SLC1A6: variants seen among roughly 807,000 people sequenced by gnomAD.
SLC1A6 encodes solute carrier family 1 member 6.
Under a neutral mutation model 42.1 loss-of-function variants are expected in SLC1A6, and 15 were observed. The ratio of observed to expected loss-of-function variants is 0.36; its 90% CI spans 0.24 to 0.55. SLC1A6 has a LOEUF of 0.55. Among genes scored for constraint, SLC1A6 ranks in the 20% least tolerant of loss-of-function variants. The pLI, the probability that SLC1A6 is intolerant of heterozygous loss-of-function variation, is 0.88. For synonymous variants in SLC1A6, 317 were observed against 319.7 expected, an observed-to-expected ratio of 0.99 and a Z score of 0.09; for missense variants, 542 against 772.5, an observed-to-expected ratio of 0.70 and a Z score of 3.54.
At chr19:14,993,185 C>T (rs1190497484) in intron 1 of SLC1A6, among the ~76,000 whole-genome samples, 1 of 152,176 alleles carries the variant, frequency 6.6e-6, no homozygotes, top group East Asian at 1.9e-4. Context: ...AGGATACCCC[C>T]TCCCAAATTC....
chr19:14,989,015 T>C (rs1175564601), intron 1 of SLC1A6, among the ~76,000 whole-genome samples: 1 of 152,116 alleles, frequency 6.6e-6, no homozygotes, highest in East Asian at 1.9e-4. Flanking sequence ...CAAGATCCTG[T>C]CTTTAAAAAA....
chr19:14,961,823 C>G (rs12460353), intron 6 of SLC1A6, 179 bp downstream of exon 6: 94,309 of 852,052 alleles, frequency 0.11, 7,594 homozygotes, highest in African/African-American at 0.36. Context: ...ACAAGGAAGT[C>G]AACTAGTGAT....
intron 1 of SLC1A6, among the ~76,000 whole-genome samples, chr19:15,002,964 A>ATGTTGTTGTTGTTGTTGTTGT (rs140957015): frequency 1.3e-5 from 2 of 150,814 alleles, no homozygotes; most frequent in African/African-American, 2.4e-5. Context: ...TTTTTGTGGG[A>ATGTTGTTGTTGTTGTTGTTGT]TGTTGTTGTT....
At chr19:14,955,977 T>C (rs2045459175) in intron 7 of SLC1A6, among the ~76,000 whole-genome samples, 3 of 152,114 alleles carry the variant, frequency 2.0e-5, no homozygotes, top group African/African-American at 7.2e-5. Flanking sequence ...TTGGCTGTTG[T>C]GCTACTTTTC....
chr19:15,004,051 C>G (rs6512001), intron 1 of SLC1A6, among the ~76,000 whole-genome samples: 129,255 of 152,080 alleles, frequency 0.85, 54,982 homozygotes, highest in East Asian at 0.92. Context: ...AGCTACTCAG[C>G]AGGCTGAGGC....
intron 1 of SLC1A6, among the ~76,000 whole-genome samples, chr19:15,007,264 CTGAG>C (rs2045900369): frequency 6.6e-6 from 1 of 152,154 alleles, no homozygotes; most frequent in Non-Finnish European, 1.5e-5. Flanking sequence ...AAACACGATG[CTGAG>C]TGAGAGAAAC....
At chr19:14,964,140 TC>T in intron 5 of SLC1A6, 178 bp downstream of exon 5, 1 of 615,704 alleles carries the variant, frequency 1.6e-6, no homozygotes, top group Non-Finnish European at 3.0e-6. Context: ...TAAGTGCTTC[TC>T]CCTAACCCCC....
At chr19:14,974,576 T>C (rs1441086222) in intron 1 of SLC1A6, 6 of 151,970 alleles carry the variant, frequency 3.9e-5, no homozygotes, top group Non-Finnish European at 8.8e-5. Context: ...ACTTTTCTCT[T>C]TGTGCACCCC....
chr19:14,969,029 G>A (rs983206537), intron 3 of SLC1A6, among the ~76,000 whole-genome samples: 27 of 152,014 alleles, frequency 1.8e-4, no homozygotes, highest in African/African-American at 5.8e-4. Flanking sequence ...TAGTAGAGAC[G>A]GGGTTTCACC....
At chr19:14,962,642 C>T (rs1215150203) in intron 5 of SLC1A6, among the ~76,000 whole-genome samples, 1 of 152,164 alleles carries the variant, frequency 6.6e-6, no homozygotes, top group African/African-American at 2.4e-5. Flanking sequence ...GCATGGCTCA[C>T]GCCTGTAATC....
chr19:14,956,274 AAC>A, intron 7 of SLC1A6, among the ~76,000 whole-genome samples, 200 bp downstream of exon 7: 1 of 152,246 alleles, frequency 6.6e-6, no homozygotes, highest in East Asian at 1.9e-4. Context: ...AAAGTTAAAA[AAC>A]AGGAAAGGAG....
intron 1 of SLC1A6, chr19:14,973,133 G>A: frequency 3.6e-6 from 2 of 550,738 alleles, no homozygotes; most frequent in Non-Finnish European, 6.4e-6. Flanking sequence ...GGCCTGGGCA[G>A]CTAGGGGTGG....
intron 9 of SLC1A6, among the ~76,000 whole-genome samples, chr19:14,950,937 C>A (rs1599974214): frequency 9.0e-6 from 1 of 110,992 alleles, no homozygotes; most frequent in African/African-American, 3.5e-5. Context: ...AGAACAAGAC[C>A]CTGTCTCTCA....
intron 1 of SLC1A6, among the ~76,000 whole-genome samples, chr19:15,007,674 GCA>G (rs2045902311): frequency 6.6e-6 from 1 of 152,094 alleles, no homozygotes; most frequent in Non-Finnish European, 1.5e-5. Context: ...TACAAGACTA[GCA>G]TGCTTCCTGT....
Position 14,962,362 on chromosome 19 carries a change from T to C in SLC1A6, c.592-17A>G. ...CGTCTTGAACTGAAATAGAGAGAGA[T>C]TGCGCCCAGATTCAATTCAGCGGAT... On this transcript the variant is annotated splice_polypyrimidine_tract_variant and intron_variant, in intron 5 of 9. Coordinates refer to ENST00000594383, the MANE Select transcript of SLC1A6 (RefSeq NM_005071.3). 1 of 1,588,930 alleles carries C rather than the reference T, an allele frequency of 6.3e-7. No homozygotes were observed. Among genetic ancestry groups the C allele is most frequent in the Non-Finnish European group, 8.6e-7 (1 of 1,160,514 alleles).
intron 1 of SLC1A6, among the ~76,000 whole-genome samples, chr19:14,999,375 A>C (rs2045862653): frequency 6.6e-6 from 1 of 151,984 alleles, no homozygotes; most frequent in African/African-American, 2.4e-5. Context: ...AAGCCCCCCA[A>C]CTCCTACCCA....
intron 1 of SLC1A6, among the ~76,000 whole-genome samples, chr19:14,996,407 G>A (rs980632965): frequency 6.6e-6 from 1 of 152,090 alleles, no homozygotes; most frequent in Admixed American, 6.6e-5. Flanking sequence ...TAATGCCACT[G>A]AACTGTACAC....
At position 14,962,276 on chromosome 19, in the gene SLC1A6, C is replaced by T; in HGVS notation, c.661G>A (p.Gly221Ser). 1 of 1,614,106 alleles carries T rather than the reference C, an allele frequency of 6.2e-7. No homozygotes were observed. The highest frequency in any genetic ancestry group is 8.5e-7 in the Non-Finnish European group (1 of 1,180,006). ...GAGAATGGAGGAGGCATGGAGGCAC[C>T]CGGCTCAGACCCGTTCTCTGTCCTC... ...MVRTENGSEP[G>S]ASMPPPFSVE... Residue 221 changes from glycine (G) to serine (S), a missense_variant, in exon 6 of 10, where the codon GGT (glycine) becomes AGT (serine). Around this residue, in one of 6 missense-constraint regions of SLC1A6, gnomAD observed 298 missense variants for 419.4 expected, o/e 0.71. Coordinates refer to ENST00000594383, the MANE Select transcript of SLC1A6 (RefSeq NM_005071.3).
intron 6 of SLC1A6, among the ~76,000 whole-genome samples, chr19:14,959,534 G>A (rs1242843645): frequency 2.0e-5 from 3 of 152,186 alleles, no homozygotes; most frequent in African/African-American, 4.8e-5. Context: ...TGGGGAACAA[G>A]CATTCTGTTT....
Sources: gnomAD v4.1 joint callset for allele counts (sites outside exome capture counted in the v4.1 genomes callset) on GRCh38, gnomAD v4.1.1 for gene constraint, gnomAD v4.1.1 regional missense constraint, MANE v1.5 for transcripts, NCBI Gene and HGNC (gene_info 2026-07-23, HGNC 2026-07-21) for gene names.